Variants in EYS observed in about 807,000 individuals in gnomAD.
The protein encoded by EYS is protein eyes shut homolog.
A neutral mutation model predicts 282.1 loss-of-function variants in EYS; 250 were observed. That is an observed-to-expected ratio of 0.89 (90% CI 0.80 to 0.98). The LOEUF (loss-of-function observed/expected upper bound fraction) is 0.98. Among genes scored for constraint, EYS ranks in the 50% least tolerant of loss-of-function variants. The pLI, the probability that EYS is intolerant of heterozygous loss-of-function variation, is 0.00. For missense variants in EYS, 4,016 were observed against 3,709.0 expected, an observed-to-expected ratio of 1.08 and a Z score of -2.15; for synonymous variants, 1,355 against 1,282.9, an observed-to-expected ratio of 1.06 and a Z score of -1.20.
intron 28 of EYS, among the ~76,000 whole-genome samples, chr6:64,433,926 T>C (rs1774652292): frequency 6.6e-6 from 1 of 152,068 alleles, no homozygotes; most frequent in Non-Finnish European, 1.5e-5. Flanking sequence ...CCAGCTTCTA[T>C]GAGTCTCAGC....
At chr6:65,299,308 CAATA>C (rs1435329480) in intron 11 of EYS, among the ~76,000 whole-genome samples, 1 of 152,012 alleles carries the variant, frequency 6.6e-6, no homozygotes, top group African/African-American at 2.4e-5. Flanking sequence ...AATTTTTCTA[CAATA>C]AATAACATAT....
rs189299851 is a variant in EYS at position 63,923,407 on chromosome 6, T to C, written c.7056-59049A>G. Reference sequence around the variant, plus strand: ...AGTATTACGGTAAACGAACCACAATTTTCTGGATAGTAAAGGTCATTAAAA... The same window carrying C: ...AGTATTACGGTAAACGAACCACAATCTTCTGGATAGTAAAGGTCATTAAAA... On this transcript the variant is annotated intron_variant, in intron 35 of 42. Transcript: ENST00000503581. Among the ~76,000 whole-genome samples the C allele has an allele frequency of 1.5e-4, 23 of 152,256 alleles. No individual in the cohort carries two copies. In the East Asian group the frequency reaches 4.4e-3, roughly 29 times the overall value.
chr6:64,777,421 G>T (rs1418647870), intron 22 of EYS, among the ~76,000 whole-genome samples: 1 of 151,930 alleles, frequency 6.6e-6, no homozygotes, highest in African/African-American at 2.4e-5. Flanking sequence ...GAAAGAAATG[G>T]CATCTAAAAG....
chr6:64,675,481 G>A (rs1421206936), intron 22 of EYS, among the ~76,000 whole-genome samples: 6 of 136,630 alleles, frequency 4.4e-5, no homozygotes, highest in Non-Finnish European at 9.1e-5. Context: ...TTGCTGGAGT[G>A]CAGTGGTGCA....
At chr6:64,939,317 A>C (rs1406954373) in intron 15 of EYS, among the ~76,000 whole-genome samples, 1 of 151,914 alleles carries the variant, frequency 6.6e-6, no homozygotes, top group Non-Finnish European at 1.5e-5. Flanking sequence ...ATAATATATC[A>C]AAAATCTTAG....
At position 65,661,910 on chromosome 6, in the gene EYS, C is replaced by G. The variant is rs554793874; in HGVS notation, c.-447-22018G>C. On this transcript the variant is annotated intron_variant, in intron 1 of 42. Transcript: ENST00000503581. ...TCCTACTTATATGTACAGGATCTTT[C>G]TGTGTCAGTTTTGAATGGAGGCATA... is the stretch of plus-strand genomic sequence containing the variant. Among the ~76,000 whole-genome samples, 4 of 152,150 alleles carry G rather than the reference C, an allele frequency of 2.6e-5. No homozygotes were observed. In the South Asian group the frequency reaches 8.3e-4, roughly 32 times the overall value.
intron 29 of EYS, among the ~76,000 whole-genome samples, chr6:64,378,809 T>C (rs970515808): frequency 2.0e-5 from 3 of 152,156 alleles, no homozygotes; most frequent in Non-Finnish European, 2.9e-5. Flanking sequence ...GCACTTGTAG[T>C]GATATTACTG....
intron 12 of EYS, among the ~76,000 whole-genome samples, chr6:65,263,083 A>G (rs1472835680): frequency 1.3e-5 from 2 of 152,092 alleles, no homozygotes; most frequent in East Asian, 1.9e-4. Flanking sequence ...ACAAACGCCT[A>G]TAATCCCAGC....
At chr6:65,460,349 A>C (rs1474374371) in intron 5 of EYS, among the ~76,000 whole-genome samples, 1 of 151,958 alleles carries the variant, frequency 6.6e-6, no homozygotes, top group Non-Finnish European at 1.5e-5. Context: ...GTTAATATGC[A>C]GATAAAAATG....
intron 2 of EYS, among the ~76,000 whole-genome samples, chr6:65,593,263 A>C (rs114649270): frequency 2.8e-3 from 423 of 152,192 alleles, no homozygotes; most frequent in Middle Eastern, 0.01. Context: ...AGTATAGGAC[A>C]TTTGTTAAAC....
intron 31 of EYS, among the ~76,000 whole-genome samples, chr6:64,180,744 G>C (rs1038055928): frequency 2.0e-5 from 3 of 152,076 alleles, no homozygotes; most frequent in African/African-American, 4.8e-5. Flanking sequence ...GGGTATTACA[G>C]GTATCAGAAA....
chr6:65,112,921 G>A (rs1235279416), intron 12 of EYS, among the ~76,000 whole-genome samples: 4 of 152,038 alleles, frequency 2.6e-5, no homozygotes, highest in Non-Finnish European at 5.9e-5. Context: ...CTTATGGTAT[G>A]CAAATATAAT....
chr6:65,305,612 A>G (rs910242178), intron 11 of EYS, among the ~76,000 whole-genome samples: 14 of 152,202 alleles, frequency 9.2e-5, no homozygotes, highest in African/African-American at 3.1e-4. Context: ...AATTTTTTAA[A>G]AGGCTTTAAA....
chr6:64,852,321 T>C (rs1310172841), intron 19 of EYS, among the ~76,000 whole-genome samples: 2 of 152,096 alleles, frequency 1.3e-5, no homozygotes, highest in Admixed American at 6.5e-5. Flanking sequence ...ATGGCCAGGA[T>C]ACAAAGCAGG....
chr6:64,101,396 C>G (rs1257857621), intron 31 of EYS, among the ~76,000 whole-genome samples: 4 of 151,992 alleles, frequency 2.6e-5, no homozygotes, highest in Non-Finnish European at 5.9e-5. Flanking sequence ...ATCAAAAAGC[C>G]TAATAACTTA....
chr6:65,699,043 T>A (rs1316308025), intron 1 of EYS, among the ~76,000 whole-genome samples: 1 of 152,228 alleles, frequency 6.6e-6, no homozygotes, highest in Non-Finnish European at 1.5e-5. Flanking sequence ...ATTCATGAAT[T>A]GGATTTACTT....
intron 32 of EYS, among the ~76,000 whole-genome samples, chr6:64,081,438 T>C (rs1010967377): frequency 3.2e-4 from 48 of 152,204 alleles, no homozygotes; most frequent in African/African-American, 1.1e-3. Flanking sequence ...TAATAGATGT[T>C]ACTAAAAGAG....
chr6:65,368,186 C>A (rs893578485), intron 8 of EYS, among the ~76,000 whole-genome samples: 2 of 151,550 alleles, frequency 1.3e-5, no homozygotes, highest in South Asian at 2.1e-4. Context: ...GGGTAACCGC[C>A]CCCATGATTC....
At chr6:64,307,677 A>G (rs1349322136) in intron 29 of EYS, among the ~76,000 whole-genome samples, 2 of 152,082 alleles carry the variant, frequency 1.3e-5, no homozygotes, top group Non-Finnish European at 2.9e-5. Flanking sequence ...ATTGCATTGT[A>G]TTTGGGACTT....
Sources: gnomAD v4.1 joint callset for allele counts (sites outside exome capture counted in the v4.1 genomes callset) on GRCh38, gnomAD v4.1.1 for gene constraint, MANE v1.5 for transcripts, NCBI Gene and HGNC (gene_info 2026-07-23, HGNC 2026-07-21) for gene names.